The following SESN1 variants were observed in gnomAD, a reference collection of about 807,000 sequenced individuals.
SESN1 encodes sestrin 1, also known as sestrin-1.
Under a neutral mutation model 59.3 loss-of-function variants are expected in SESN1, and 30 were observed. The ratio of observed to expected loss-of-function variants is 0.51; its 90% CI spans 0.38 to 0.69. The LOEUF (loss-of-function observed/expected upper bound fraction) is 0.69, where lower values mean the gene tolerates loss of function less well. Among genes scored for constraint, SESN1 ranks in the 30% least tolerant of loss-of-function variants. SESN1 has a pLI of 0.00. For missense variants in SESN1, 566 were observed against 673.0 expected, an observed-to-expected ratio of 0.84 and a Z score of 1.76; for synonymous variants, 197 against 219.9, an observed-to-expected ratio of 0.90 and a Z score of 0.92.
In SESN1 at chr6:108,998,708, T is replaced by C. The variant is rs1301972525; in HGVS notation, c.777A>G (p.Val259=). Reference sequence around the variant, plus strand: ...AGTGTGTGAGTAAAACTACTGCATGTACCAATTCCGCAAGGGACCAGCTGT... The same window carrying C: ...AGTGTGTGAGTAAAACTACTGCATGCACCAATTCCGCAAGGGACCAGCTGT... ...EEHSWSLAEL[V]HAVVLLTHYH... The change falls in exon 5 of 10, where the codon GTA becomes GTG. Residue 259 remains valine (V), a synonymous_variant. Coordinates refer to ENST00000436639, the MANE Select transcript of SESN1 (RefSeq NM_014454.3). The C allele has an allele frequency of 1.2e-6, 2 of 1,613,802 alleles. No homozygotes were observed. The highest frequency in any genetic ancestry group is 2.2e-5 in the South Asian group (2 of 91,074).
chr6:109,002,472 T>C lies in SESN1; in HGVS notation c.280-129A>G, dbSNP rs575536251. On this transcript the variant is annotated intron_variant, in intron 1 of 9. Transcript: ENST00000436639. ...TGTTTTGATGGTTTGTTTTCATGGC[T>C]GTATATACATACCAACTCTTCTGTT... 25 of 666,642 alleles carry C rather than the reference T, an allele frequency of 3.8e-5. No homozygotes were observed. The South Asian group carries it at 3.9e-4, about 10-fold the overall frequency. 41.3% of individuals were successfully genotyped at this position (666,642 alleles called of 1,614,324 possible).
At chr6:109,024,666 A>G (rs1780062633) in intron 1 of SESN1, among the ~76,000 whole-genome samples, 1 of 152,248 alleles carries the variant, frequency 6.6e-6, no homozygotes, top group Non-Finnish European at 1.5e-5. Flanking sequence ...CTAGACTACC[A>G]TAAATGTGCT....
intron 4 of SESN1, among the ~76,000 whole-genome samples, chr6:108,999,709 T>C (rs950904551): frequency 3.9e-5 from 6 of 152,138 alleles, no homozygotes; most frequent in Admixed American, 1.3e-4. Flanking sequence ...TGGAAGAGTT[T>C]TACAGTTTCT....
chr6:109,026,609 A>T lies in SESN1; in HGVS notation c.280-24266T>A, dbSNP rs115632049. 4.4e-3 allele frequency among the ~76,000 whole-genome samples: 668 copies of T among 152,082 alleles called. 11 individuals carry two copies. Among genetic ancestry groups the T allele is most frequent in the African/African-American group, 0.016 (647 of 41,488 alleles). On this transcript the variant is annotated intron_variant, in intron 1 of 9. Transcript: ENST00000436639. ...CCGCCTCCCAGTTTCGGTTCAAGCG[A>T]TTCTCCTGCCTCAGCCTCCCGAGTA...
chr6:109,033,837 C>G lies in SESN1; in HGVS notation c.280-31494G>C, dbSNP rs148520626. Among the ~76,000 whole-genome samples the G allele has an allele frequency of 2.2e-3, 340 of 152,284 alleles. 2 individuals carry two copies. The highest frequency in any genetic ancestry group is 6.8e-3 in the Middle Eastern group (2 of 294). On this transcript the variant is annotated intron_variant, in intron 1 of 9. Coordinates refer to ENST00000436639, the MANE Select transcript of SESN1 (RefSeq NM_014454.3). ...AACAAGCTTTTAGTTAACAGTGCCTCTCATAATTGATTCCAGCCATGTTTC... is the reference window on the plus strand; with the variant it reads ...AACAAGCTTTTAGTTAACAGTGCCTGTCATAATTGATTCCAGCCATGTTTC...
At chr6:109,004,283 A>C (rs1264104276) in intron 1 of SESN1, among the ~76,000 whole-genome samples, 1 of 152,242 alleles carries the variant, frequency 6.6e-6, no homozygotes, top group Non-Finnish European at 1.5e-5. Flanking sequence ...TGATAAATTT[A>C]ATGACATAAA....
intron 1 of SESN1, among the ~76,000 whole-genome samples, chr6:109,006,651 T>G (rs1475986985): frequency 6.6e-6 from 1 of 152,188 alleles, no homozygotes; most frequent in African/African-American, 2.4e-5. Flanking sequence ...CTTGATACCT[T>G]GGAGATTCTT....
In SESN1 at chr6:108,984,548, T is replaced by C. The variant is rs1486184381; in HGVS notation, c.*2996A>G. The stretch of plus-strand genomic sequence containing the variant: ...GGCCTACTTTTTTAATATCACCACA[T>C]TGAGGATTACATTTCAGCATACAAC... On this transcript the variant is annotated 3_prime_UTR_variant, in exon 10 of 10. Transcript: ENST00000436639. 6.6e-6 allele frequency among the ~76,000 whole-genome samples: 1 copy of C among 152,120 alleles called. No homozygotes were observed.
chr6:109,052,913 C>T (rs1477595713), intron 1 of SESN1, among the ~76,000 whole-genome samples: 3 of 152,130 alleles, frequency 2.0e-5, no homozygotes, highest in Non-Finnish European at 4.4e-5. Context: ...CCCCGTAGAG[C>T]TTATAATCTA....
intron 1 of SESN1, among the ~76,000 whole-genome samples, chr6:109,071,524 C>A (rs1309588636): frequency 6.6e-6 from 1 of 151,968 alleles, no homozygotes; most frequent in African/African-American, 2.4e-5. Context: ...CCCCGGCAGT[C>A]TAGGATCAAT....
chr6:108,995,328 G>A (rs1779482542), intron 5 of SESN1, among the ~76,000 whole-genome samples: 1 of 152,180 alleles, frequency 6.6e-6, no homozygotes, highest in Admixed American at 6.5e-5. Flanking sequence ...CATACATATT[G>A]TCAATGTGTC....
intron 1 of SESN1, among the ~76,000 whole-genome samples, chr6:109,026,558 G>A (rs927577458): frequency 3.9e-5 from 6 of 151,914 alleles, no homozygotes; most frequent in East Asian, 3.9e-4. Flanking sequence ...GTGCAGTGGC[G>A]CAATCTCGGC....
chr6:109,074,116 A>G (rs1780986591), intron 1 of SESN1, among the ~76,000 whole-genome samples: 1 of 152,234 alleles, frequency 6.6e-6, no homozygotes, highest in Admixed American at 6.5e-5. Context: ...TATTCATTAC[A>G]GTAATGTGCT....
At chr6:109,083,465 A>G (rs534335335) in intron 1 of SESN1, among the ~76,000 whole-genome samples, 55 of 152,244 alleles carry the variant, frequency 3.6e-4, no homozygotes, top group Non-Finnish European at 7.8e-4. Flanking sequence ...ACACATACAC[A>G]AATCTAATGA....
intron 6 of SESN1, among the ~76,000 whole-genome samples, chr6:108,993,175 A>G (rs1420959210): frequency 6.6e-6 from 1 of 152,148 alleles, no homozygotes; most frequent in Non-Finnish European, 1.5e-5. Context: ...ATTCCAATTT[A>G]TATGTATTAG....
chr6:108,985,224 A>G lies in SESN1; in HGVS notation c.*2320T>C, dbSNP rs747017647. Among the ~76,000 whole-genome samples the G allele has an allele frequency of 4.0e-4, 61 of 152,292 alleles. 1 individual carries two copies. The highest frequency in any genetic ancestry group is 9.9e-4 in the African/African-American group (41 of 41,572). On this transcript the variant is annotated 3_prime_UTR_variant, in exon 10 of 10. Transcript: ENST00000436639. ...CTCCTGGTGGTCTGTATCAAAATCAATCTCATTCTTAGAGATGATAAAGTT... is the reference window on the plus strand; with the variant it reads ...CTCCTGGTGGTCTGTATCAAAATCAGTCTCATTCTTAGAGATGATAAAGTT...
intron 1 of SESN1, among the ~76,000 whole-genome samples, chr6:109,015,294 A>AT (rs1460510036): frequency 5.3e-5 from 8 of 151,866 alleles, no homozygotes; most frequent in African/African-American, 1.9e-4. Flanking sequence ...AGCTCCTTTG[A>AT]TTTTTTCTTT....
At chr6:109,012,024 G>A (rs1779867135) in intron 1 of SESN1, among the ~76,000 whole-genome samples, 1 of 152,124 alleles carries the variant, frequency 6.6e-6, no homozygotes, top group African/African-American at 2.4e-5. Context: ...ATTTTCCAAG[G>A]ATTTCGAAGG....
rs544431418 is a variant in SESN1, at chr6:109,001,586, G to A, written c.346-98C>T. The A allele has an allele frequency of 1.3e-4, 139 of 1,062,624 alleles. 2 individuals are homozygous for A. In the South Asian group the frequency reaches 2.1e-3, roughly 16 times the overall value. The allele number at this position is 1,062,624 out of a possible 1,614,324, so 65.8% of individuals were successfully genotyped here. A position where few individuals can be genotyped will look rare whatever the true frequency, so the allele number is the denominator to read the frequency against. ...ACACTCTAAGTATCATTTAGAAGCA[G>A]ATTAAATCTGGCTTAAGAAAGAGGG... On this transcript the variant is annotated intron_variant, in intron 2 of 9. Transcript: ENST00000436639.
Sources: allele counts gnomAD v4.1 joint callset (sites outside exome capture counted in the v4.1 genomes callset), GRCh38; gene constraint gnomAD v4.1.1; transcripts MANE v1.5; gene names NCBI Gene and HGNC (gene_info 2026-07-23, HGNC 2026-07-21).